INVS: variants seen among roughly 807,000 people sequenced by gnomAD.
The protein encoded by INVS is inversion of embryo turning homolog.
INVS carries 86 observed loss-of-function variants against 108.8 expected under a neutral mutation model. The observed-to-expected ratio is 0.79, with a 90% CI of 0.66 to 0.95. The LOEUF (loss-of-function observed/expected upper bound fraction) is 0.95. Ranked by LOEUF, INVS falls within the 40% of genes least tolerant of loss-of-function variation. The pLI is 0.00. For missense variants in INVS, 1,169 were observed against 1,297.4 expected (o/e 0.90, Z 1.52); for synonymous variants, 455 against 473.5 (o/e 0.96, Z 0.51).
In INVS at chr9:100,174,835, C is replaced by G. The variant is rs148519197; in HGVS notation, c.273+48286C>G. Among the ~76,000 whole-genome samples the G allele has an allele frequency of 3.4e-4, 52 of 152,224 alleles. No homozygotes were observed. The East Asian group carries it at 9.1e-3, about 27-fold the overall frequency. On this transcript the variant is annotated intron_variant, in intron 3 of 16. Coordinates refer to ENST00000262457, the MANE Select transcript of INVS (RefSeq NM_014425.5). ...GCTGAGGCAGGAGAATCACTTGAAC[C>G]CAGGAGGAGGAGGTTGCAGTGAGCC... is the stretch of plus-strand genomic sequence containing the variant.
intron 3 of INVS, among the ~76,000 whole-genome samples, chr9:100,200,266 A>G (rs549337066): frequency 6.6e-6 from 1 of 152,244 alleles, no homozygotes; most frequent in South Asian, 2.1e-4. Context: ...GCTAATTCCA[A>G]CATCTGGGTT....
At chr9:100,182,649 G>A (rs1588069516) in intron 3 of INVS, among the ~76,000 whole-genome samples, 1 of 152,198 alleles carries the variant, frequency 6.6e-6, no homozygotes, top group Admixed American at 6.5e-5. Context: ...TGGAGAGGAT[G>A]TGGAGAAATA....
chr9:100,245,715 A>G (rs1832024783), intron 7 of INVS, among the ~76,000 whole-genome samples: 1 of 152,244 alleles, frequency 6.6e-6, no homozygotes, highest in Non-Finnish European at 1.5e-5. Context: ...AAATGCATTA[A>G]CCATTTCAAA....
intron 3 of INVS, among the ~76,000 whole-genome samples, chr9:100,154,331 A>ATTTTTTT (rs780090630): frequency 2.2e-4 from 15 of 68,570 alleles, no homozygotes; most frequent in African/African-American, 6.9e-4. Flanking sequence ...CAACCGACTA[A>ATTTTTTT]TTTTTTTTTT....
Position 100,198,467 on chromosome 9 carries a change from T to G in INVS, c.274-27595T>G, listed in dbSNP as rs1003849329. On this transcript the variant is annotated intron_variant, in intron 3 of 16. Coordinates refer to ENST00000262457, the MANE Select transcript of INVS (RefSeq NM_014425.5). The stretch of plus-strand genomic sequence containing the variant: ...CCACCAGGTCCCGCTAATTTTGTAT[T>G]TGTAATAGAGACGGGGTTTCTCCAT... Among the ~76,000 whole-genome samples, 22 of 151,348 alleles carry G rather than the reference T, an allele frequency of 1.5e-4. No homozygotes were observed. The South Asian group carries it at 1.7e-3, about 12-fold the overall frequency.
chr9:100,242,629 G>A lies in INVS; in HGVS notation c.856G>A (p.Asp286Asn). The A allele has an allele frequency of 6.2e-7, 1 of 1,612,550 alleles. No individual in the cohort carries two copies. The highest frequency in any genetic ancestry group is 8.5e-7 in the Non-Finnish European group (1 of 1,178,814). The change falls in exon 7 of 17, where the codon GAC becomes AAC. Residue 286 changes from aspartate to asparagine, a missense_variant. By Grantham distance (23) the Asp-to-Asn change is conservative. This residue lies in a region of INVS where 365 missense variants were observed against 397.5 expected (regional missense o/e 0.92). Transcript: ENST00000262457. ...ERNKSGTIPS[D>N]SQGATPLHYA... Reference sequence around the variant, plus strand: ...AAATAAGTCTGGAACTATCCCATCTGACAGCCAAGGAGCCACACCTTTGCA... The same window carrying A: ...AAATAAGTCTGGAACTATCCCATCTAACAGCCAAGGAGCCACACCTTTGCA...
At chr9:100,262,675 T>C (rs1341733042) in intron 10 of INVS, among the ~76,000 whole-genome samples, 1 of 149,568 alleles carries the variant, frequency 6.7e-6, no homozygotes, top group Non-Finnish European at 1.5e-5. Context: ...GATATTCATC[T>C]CCTCAAAGGA....
intron 3 of INVS, among the ~76,000 whole-genome samples, chr9:100,162,740 T>A (rs1307368508): frequency 6.6e-6 from 1 of 151,862 alleles, no homozygotes; most frequent in Non-Finnish European, 1.5e-5. Context: ...AGGCAGAGAA[T>A]TGCTTGAACC....
intron 3 of INVS, among the ~76,000 whole-genome samples, chr9:100,153,342 G>C (rs1828868574): frequency 6.6e-6 from 1 of 151,216 alleles, no homozygotes; most frequent in Non-Finnish European, 1.5e-5. Flanking sequence ...TCATATATAA[G>C]GTGGAGAAGA....
intron 11 of INVS, among the ~76,000 whole-genome samples, chr9:100,272,435 T>G (rs927241090): frequency 6.6e-6 from 1 of 152,240 alleles, no homozygotes; most frequent in Non-Finnish European, 1.5e-5. Flanking sequence ...ATATACTGAA[T>G]TTCTCCTTTT....
chr9:100,131,263 A>C (rs1828046250), intron 3 of INVS, among the ~76,000 whole-genome samples: 1 of 152,142 alleles, frequency 6.6e-6, no homozygotes, highest in Non-Finnish European at 1.5e-5. Context: ...TTACTTTTAT[A>C]GAAAGTCATT....
At chr9:100,162,251 A>G (rs1435386513) in intron 3 of INVS, among the ~76,000 whole-genome samples, 1 of 152,214 alleles carries the variant, frequency 6.6e-6, no homozygotes, top group Admixed American at 6.5e-5. Flanking sequence ...TATCATTAAT[A>G]CACATTTTCT....
At chr9:100,118,588 G>T (rs1163445542) in intron 2 of INVS, among the ~76,000 whole-genome samples, 1 of 152,040 alleles carries the variant, frequency 6.6e-6, no homozygotes, top group East Asian at 1.9e-4. Context: ...ACAAAATATA[G>T]GTTGAAAGCT....
chr9:100,106,942 T>C (rs1159136441), intron 2 of INVS, among the ~76,000 whole-genome samples: 2 of 142,678 alleles, frequency 1.4e-5, no homozygotes, highest in Non-Finnish European at 3.0e-5. Flanking sequence ...CGGTGCTCAA[T>C]TGTTGAAAAG....
chr9:100,161,364 CAAAAAAAAAA>C (rs35392930), intron 3 of INVS, among the ~76,000 whole-genome samples: 2 of 12,388 alleles, frequency 1.6e-4, no homozygotes, highest in East Asian at 3.1e-3. Context: ...ACTTCCATCT[CAAAAAAAAAA>C]AAAAAAAAAA....
At chr9:100,229,256 G>C (rs1831433670) in intron 4 of INVS, among the ~76,000 whole-genome samples, 1 of 152,106 alleles carries the variant, frequency 6.6e-6, no homozygotes, top group Non-Finnish European at 1.5e-5. Context: ...AGTAAAAGAA[G>C]GATGACTTGA....
chr9:100,126,636 A>T, intron 3 of INVS, 87 bp downstream of exon 3: 2 of 1,266,816 alleles, frequency 1.6e-6, no homozygotes, highest in Non-Finnish European at 2.3e-6. Flanking sequence ...ACAGATAATA[A>T]AGAAGTCTCA....
rs1826895044 is a variant in INVS at position 100,100,844 on chromosome 9, A to ATATAATATATG, written c.-25+1430_-25+1431insTAATATATGTA. On this transcript the variant is annotated intron_variant, in intron 1 of 16. Coordinates refer to ENST00000262457, the MANE Select transcript of INVS (RefSeq NM_014425.5). ...TAATATATGTATATATAATATATAT[A>ATATAATATATG]TAATATATGTATATATAATATATAT... Among the ~76,000 whole-genome samples the ATATAATATATG allele has an allele frequency of 4.5e-4, 9 of 19,868 alleles. 2 individuals are homozygous for ATATAATATATG. Among genetic ancestry groups the ATATAATATATG allele is most frequent in the Non-Finnish European group, 4.9e-4 (7 of 14,430 alleles). The allele number at this position is 19,868 out of a possible 152,430, so 13.0% of individuals were successfully genotyped here. A position where few individuals can be genotyped will look rare whatever the true frequency, so the allele number is the denominator to read the frequency against.
chr9:100,120,221 G>A (rs976097679), intron 2 of INVS, among the ~76,000 whole-genome samples: 1 of 152,174 alleles, frequency 6.6e-6, no homozygotes, highest in African/African-American at 2.4e-5. Context: ...TAGAGCTAAA[G>A]TATATTCGAG....
Sources: allele counts gnomAD v4.1 joint callset (sites outside exome capture counted in the v4.1 genomes callset), GRCh38; gene constraint gnomAD v4.1.1; regional missense constraint gnomAD v4.1.1; transcripts MANE v1.5; gene names NCBI Gene and HGNC (gene_info 2026-07-23, HGNC 2026-07-21).